DCAF5: variants seen among roughly 807,000 people sequenced by gnomAD.
DCAF5 encodes the protein DDB1- and CUL4-associated factor 5.
A neutral mutation model predicts 80.7 loss-of-function variants in DCAF5; 9 were observed. That is an observed-to-expected ratio of 0.11 (90% CI 0.07 to 0.19). DCAF5 has a LOEUF of 0.19. Among genes scored for constraint, DCAF5 ranks in the 10% least tolerant of loss-of-function variants. The pLI, the probability that DCAF5 is intolerant of heterozygous loss-of-function variation, is 1.00. For missense variants in DCAF5, 842 were observed against 1,205.7 expected, an observed-to-expected ratio of 0.70 and a Z score of 4.47; for synonymous variants, 433 against 461.9, an observed-to-expected ratio of 0.94 and a Z score of 0.80.
intron 6 of DCAF5, chr14:69,089,214 C>T (rs556176856): frequency 6.5e-6 from 1 of 152,740 alleles, no homozygotes; most frequent in South Asian, 2.1e-4. Context: ...TTTACTTCAA[C>T]AAATTTTTAT....
At chr14:69,108,328 A>G (rs978259362) in intron 5 of DCAF5, among the ~76,000 whole-genome samples, 2 of 152,210 alleles carry the variant, frequency 1.3e-5, no homozygotes, top group Non-Finnish European at 2.9e-5. Flanking sequence ...TGATCTTGGT[A>G]ACTATGACAT....
rs1209761519 is a variant in DCAF5, at chr14:69,054,850, T to C, written c.1836A>G (p.Glu612=). 1 of 1,614,094 alleles carries C rather than the reference T, an allele frequency of 6.2e-7. No homozygotes were observed. Among genetic ancestry groups the C allele is most frequent in the Non-Finnish European group, 8.5e-7 (1 of 1,180,042 alleles). The change falls in exon 9 of 9, where the codon GAA becomes GAG. Residue 612 remains glutamate (E), a synonymous_variant. Coordinates refer to ENST00000341516, the MANE Select transcript of DCAF5 (RefSeq NM_003861.3). Reference sequence around the variant, plus strand: ...TGATCTGGGGGTAATCATAGTTGTCTTCTCCAATGTAAGTGTTGGTGGGCT... The same window carrying C: ...TGATCTGGGGGTAATCATAGTTGTCCTCTCCAATGTAAGTGTTGGTGGGCT... The part of the protein sequence containing the change: ...PIKPTNTYIG[E]DNYDYPQIKV...
At chr14:69,085,318 A>G (rs1208305966) in intron 6 of DCAF5, 8 of 706,628 alleles carry the variant, frequency 1.1e-5, no homozygotes, top group Non-Finnish European at 2.1e-5. Context: ...GAAAACCAAG[A>G]AAGTTGAGAA....
chr14:69,121,439 G>A (rs1359479085), intron 2 of DCAF5, among the ~76,000 whole-genome samples: 4 of 152,150 alleles, frequency 2.6e-5, no homozygotes, highest in Non-Finnish European at 4.4e-5. Flanking sequence ...TAGGTAGAAT[G>A]AACCATGTGA....
intron 5 of DCAF5, among the ~76,000 whole-genome samples, chr14:69,094,998 T>G (rs567148392): frequency 1.3e-5 from 2 of 152,244 alleles, no homozygotes; most frequent in South Asian, 4.1e-4. Flanking sequence ...AAAAAGAAAT[T>G]ATCAAAGTCA....
intron 1 of DCAF5, among the ~76,000 whole-genome samples, chr14:69,144,329 T>C (rs573792181): frequency 6.6e-6 from 1 of 151,510 alleles, no homozygotes; most frequent in Admixed American, 6.6e-5. Context: ...TCACAGCACT[T>C]TGGGAGGCCG....
chr14:69,063,490 A>G (rs2139853301), intron 7 of DCAF5, among the ~76,000 whole-genome samples: 1 of 152,286 alleles, frequency 6.6e-6, no homozygotes, highest in Admixed American at 6.5e-5. Context: ...ACACAAACAA[A>G]TGAGTGTTCA....
chr14:69,099,455 A>G (rs977136094), intron 5 of DCAF5, among the ~76,000 whole-genome samples: 2 of 152,058 alleles, frequency 1.3e-5, no homozygotes, highest in Admixed American at 6.6e-5. Context: ...GTCCTCCTAC[A>G]TAGGTGCATA....
chr14:69,085,513 C>T (rs1470389607), intron 6 of DCAF5: 2 of 308,450 alleles, frequency 6.5e-6, no homozygotes, highest in East Asian at 8.8e-5. Context: ...AAATTGAATT[C>T]GGTTGCAAGC....
At position 69,054,322 on chromosome 14, in the gene DCAF5, C is replaced by T. The variant is rs149801553; in HGVS notation, c.2364G>A (p.Arg788=). Reference sequence around the variant, plus strand: ...CAGGAGGAGAAGGCGGCTCCTCAGCCCGACTGCTCAGGGCCTTTCCATTGA... The same window carrying T: ...CAGGAGGAGAAGGCGGCTCCTCAGCTCGACTGCTCAGGGCCTTTCCATTGA... The part of the protein sequence containing the change: ...KKLNGKALSS[R]AEEPPSPPVP... Residue 788 remains arginine, a synonymous_variant, in exon 9 of 9, where the codon CGG becomes CGA. Coordinates refer to ENST00000341516, the MANE Select transcript of DCAF5 (RefSeq NM_003861.3). 14 of 1,614,070 alleles carry T rather than the reference C, an allele frequency of 8.7e-6. No homozygotes were observed. The highest frequency in any genetic ancestry group is 1.2e-5 in the Non-Finnish European group (14 of 1,180,048).
rs745732516 is a variant in DCAF5 at position 69,053,810 on chromosome 14, T to G, written c.*47A>C. 1 of 1,528,078 alleles carries G rather than the reference T, an allele frequency of 6.5e-7. No homozygotes were observed. Among genetic ancestry groups the G allele is most frequent in the Non-Finnish European group, 8.7e-7 (1 of 1,148,386 alleles). 94.7% of individuals were successfully genotyped at this position (1,528,078 alleles called of 1,614,324 possible). The stretch of plus-strand genomic sequence containing the variant: ...CTGTATTCACTAAACAATTTTTTTT[T>G]TTTTGTAAGGCTACTTTTGTAGCTT... On this transcript the variant is annotated 3_prime_UTR_variant, in exon 9 of 9. Coordinates refer to ENST00000341516, the MANE Select transcript of DCAF5 (RefSeq NM_003861.3).
chr14:69,075,267 C>G, intron 7 of DCAF5, 78 bp downstream of exon 7: 6 of 1,139,488 alleles, frequency 5.3e-6, no homozygotes, highest in Non-Finnish European at 7.6e-6. Context: ...TGCTAAAGAT[C>G]TGTCCCCTCA....
At chr14:69,149,257 A>G (rs2041633860) in intron 1 of DCAF5, among the ~76,000 whole-genome samples, 2 of 152,240 alleles carry the variant, frequency 1.3e-5, no homozygotes, top group African/African-American at 2.4e-5. Context: ...TGACACAGCA[A>G]TGATGTTAAC....
chr14:69,075,401 G>A lies in DCAF5; in HGVS notation c.890C>T (p.Ser297Leu). The A allele has an allele frequency of 6.3e-7, 1 of 1,599,378 alleles. No individual in the cohort carries two copies. The highest frequency in any genetic ancestry group is 8.5e-7 in the Non-Finnish European group (1 of 1,170,324). The change falls in exon 7 of 9, where the codon TCG becomes TTG. Residue 297 changes from serine (S) to leucine (L), a missense_variant. Transcript: ENST00000341516. ...FAGDRDQYIL[S>L]GSDDFNLYMW... ...GTACAGGTTGAAGTCATCAGAGCCC[G>A]AAAGGATATACTGTTGGAACAAAAA...
At chr14:69,147,402 G>A (rs1035005095) in intron 1 of DCAF5, among the ~76,000 whole-genome samples, 2 of 152,186 alleles carry the variant, frequency 1.3e-5, no homozygotes, top group Admixed American at 1.3e-4. Context: ...TTAGGCCCTT[G>A]TGCTAAGAAT....
At chr14:69,092,188 C>A (rs1331768118) in intron 5 of DCAF5, among the ~76,000 whole-genome samples, 3 of 152,232 alleles carry the variant, frequency 2.0e-5, no homozygotes, top group South Asian at 2.1e-4. Context: ...ATTTTCTTTA[C>A]CCAAGCTAAC....
chr14:69,063,649 T>C (rs547314419), intron 7 of DCAF5, among the ~76,000 whole-genome samples: 1 of 152,370 alleles, frequency 6.6e-6, no homozygotes, highest in South Asian at 2.1e-4. Context: ...TATTTCTCAA[T>C]GTCTGTGTTT....
chr14:69,136,112 A>ATTT (rs1467621665), intron 1 of DCAF5, among the ~76,000 whole-genome samples: 1 of 100,772 alleles, frequency 9.9e-6, no homozygotes, highest in Admixed American at 1.3e-4. Flanking sequence ...GATGTGTAAA[A>ATTT]CTTTTTTTTT....
At chr14:69,133,175 C>T (rs2041091341) in intron 1 of DCAF5, among the ~76,000 whole-genome samples, 1 of 152,066 alleles carries the variant, frequency 6.6e-6, no homozygotes, top group Admixed American at 6.6e-5. Flanking sequence ...CATGAAACTA[C>T]AGAAAAGCTA....
Sources: allele counts gnomAD v4.1 joint callset (sites outside exome capture counted in the v4.1 genomes callset), GRCh38; gene constraint gnomAD v4.1.1; transcripts MANE v1.5; gene names NCBI Gene and HGNC (gene_info 2026-07-23, HGNC 2026-07-21).